PSD3: variants seen among roughly 807,000 people sequenced by gnomAD.
PSD3 encodes the protein PH and SEC7 domain-containing protein 3.
Under a neutral mutation model 105.5 loss-of-function variants are expected in PSD3, and 49 were observed. That is an observed-to-expected ratio of 0.46 (90% CI 0.37 to 0.59). The LOEUF (loss-of-function observed/expected upper bound fraction) is 0.59, where lower values mean the gene tolerates loss of function less well. Ranked by LOEUF, PSD3 falls within the 20% of genes least tolerant of loss-of-function variation. PSD3 has a pLI of 0.00. For missense variants in PSD3, 1,561 were observed against 1,263.8 expected (o/e 1.24, Z -3.57); for synonymous variants, 557 against 457.8 (o/e 1.22, Z -2.77).
intron 1 of PSD3, among the ~76,000 whole-genome samples, chr8:19,054,060 G>A (rs1828623033): frequency 6.6e-6 from 1 of 152,118 alleles, no homozygotes; most frequent in Non-Finnish European, 1.5e-5. Context: ...TGGTACTTGG[G>A]CCTGATGTAC....
intron 14 of PSD3, among the ~76,000 whole-genome samples, chr8:18,560,223 A>G (rs1227717621): frequency 6.7e-6 from 1 of 150,070 alleles, no homozygotes; most frequent in East Asian, 1.9e-4. Context: ...CAAAAAAACA[A>G]CAACAGCAAC....
In PSD3 at chr8:18,531,509, C is replaced by T. The variant is rs191029215; in HGVS notation, c.*4234G>A. On this transcript the variant is annotated 3_prime_UTR_variant, in exon 16 of 16. Coordinates refer to ENST00000327040, the MANE Select transcript of PSD3 (RefSeq NM_015310.4). ...ATCAATAATCTATCACGGGGTTATT[C>T]TGTGATGATTTGATCATGTAAGATG... 6.6e-6 allele frequency: 1 copy of T among 152,278 alleles called. No homozygotes were observed. Among genetic ancestry groups the T allele is most frequent in the African/African-American group, 2.4e-5 (1 of 41,556 alleles). 9.4% of individuals were successfully genotyped at this position (152,278 alleles called of 1,614,324 possible).
intron 11 of PSD3, among the ~76,000 whole-genome samples, chr8:18,601,734 C>A (rs1804455454): frequency 6.6e-6 from 1 of 152,102 alleles, no homozygotes. Flanking sequence ...AGCAAAAAAG[C>A]AACTAAGATA....
intron 7 of PSD3, among the ~76,000 whole-genome samples, chr8:18,800,019 C>G (rs970580921): frequency 6.6e-6 from 1 of 152,166 alleles, no homozygotes; most frequent in African/African-American, 2.4e-5. Flanking sequence ...ATCAGTGTCT[C>G]TAAATAGACA....
chr8:18,848,619 G>A (rs987357845), intron 4 of PSD3, among the ~76,000 whole-genome samples: 2 of 152,204 alleles, frequency 1.3e-5, no homozygotes, highest in Admixed American at 1.3e-4. Context: ...CTCTCATGTA[G>A]GGGTGCTTCT....
intron 1 of PSD3, among the ~76,000 whole-genome samples, chr8:18,936,823 C>A (rs1346076158): frequency 1.3e-5 from 2 of 151,984 alleles, no homozygotes; most frequent in Non-Finnish European, 2.9e-5. Context: ...ATTATCATCA[C>A]CCACAGTCCA....
chr8:18,668,222 G>A (rs903206020), intron 9 of PSD3, among the ~76,000 whole-genome samples: 6 of 152,240 alleles, frequency 3.9e-5, no homozygotes, highest in Non-Finnish European at 7.3e-5. Flanking sequence ...GGGCTGCCAG[G>A]ACTGCCAGCA....
In PSD3 at chr8:18,991,208, T is replaced by A. The variant is rs143701270; in HGVS notation, c.21+22355A>T. Among the ~76,000 whole-genome samples, 8 of 152,250 alleles carry A rather than the reference T, an allele frequency of 5.3e-5. No homozygotes were observed. The South Asian group carries it at 1.7e-3, about 32-fold the overall frequency. On this transcript the variant is annotated intron_variant, in intron 1 of 15. Transcript: ENST00000327040. ...ACCACACACTGGTTTAGATGCAGTA[T>A]TGAACTAAGTCAGACTGAATTTCAG...
intron 8 of PSD3, among the ~76,000 whole-genome samples, chr8:18,790,577 C>T (rs1323899856): frequency 6.6e-6 from 1 of 152,116 alleles, no homozygotes; most frequent in South Asian, 2.1e-4. Flanking sequence ...GCTGGGATTA[C>T]AGGCGTGAGC....
At chr8:18,815,323 G>A (rs1812124539) in intron 4 of PSD3, among the ~76,000 whole-genome samples, 1 of 152,136 alleles carries the variant, frequency 6.6e-6, no homozygotes, top group Middle Eastern at 3.4e-3. Context: ...GGTTGGAGGT[G>A]TGGGGGATGG....
At chr8:18,931,596 T>G (rs1821751550) in intron 2 of PSD3, among the ~76,000 whole-genome samples, 2 of 152,208 alleles carry the variant, frequency 1.3e-5, no homozygotes, top group Non-Finnish European at 2.9e-5. Flanking sequence ...TCTAGAACCT[T>G]AAAATTATAA....
At position 18,801,284 on chromosome 8, in the gene PSD3, G is replaced by C. The variant is rs201058269; in HGVS notation, c.2009C>G (p.Thr670Ser). ...TATCAGATTACCTTGTGAAGCAATGGTATCTGGGTTACAATAAAAATATCT... is the reference window on the plus strand; with the variant it reads ...TATCAGATTACCTTGTGAAGCAATGCTATCTGGGTTACAATAAAAATATCT... Reference protein sequence around the residue: ...SNRYFYCNPDTIASQDGVHCL... With the variant: ...SNRYFYCNPDSIASQDGVHCL... The change falls in exon 7 of 16, where the codon ACC (threonine) becomes AGC (serine). Residue 670 changes from threonine (T) to serine (S), a missense_variant. By Grantham distance (58) the Thr-to-Ser change is moderately conservative. Transcript: ENST00000327040. 6.3e-7 allele frequency: 1 copy of C among 1,578,604 alleles called. No homozygotes were observed. The highest frequency in any genetic ancestry group is 8.7e-7 in the Non-Finnish European group (1 of 1,151,572).
chr8:18,767,386 A>C (rs560002115), intron 8 of PSD3, among the ~76,000 whole-genome samples: 1 of 152,336 alleles, frequency 6.6e-6, no homozygotes, highest in African/African-American at 2.4e-5. Context: ...CGCAGAGCAC[A>C]GAGAAGTGTC....
chr8:18,535,802 C>T lies in PSD3; in HGVS notation c.3085G>A (p.Val1029Met), dbSNP rs202221556. The change falls in exon 16 of 16, where the codon GTG (valine) becomes ATG (methionine). Residue 1029 changes from valine (V) to methionine (M), a missense_variant. Physicochemically the swap from Val to Met is conservative, Grantham distance 21 (BLOSUM62 1). Transcript: ENST00000327040. ...GGTCGGTGATCCTTCCTCTCTGACA[C>T]GTTACGCTTGACTTTGGCAGTGATT... is the stretch of plus-strand genomic sequence containing the variant. ...SPITAKVKRN[V>M]SERKDHRPET... 14 of 1,614,036 alleles carry T rather than the reference C, an allele frequency of 8.7e-6. No individual in the cohort carries two copies. The highest frequency in any genetic ancestry group is 2.2e-5 in the East Asian group (1 of 44,892).
intron 4 of PSD3, among the ~76,000 whole-genome samples, chr8:18,806,554 A>T (rs1221582690): frequency 6.6e-6 from 1 of 152,244 alleles, no homozygotes; most frequent in East Asian, 1.9e-4. Flanking sequence ...CTTACCACAG[A>T]TGCTAAACCA....
At chr8:18,984,889 T>C (rs1303670508) in intron 1 of PSD3, among the ~76,000 whole-genome samples, 2 of 152,152 alleles carry the variant, frequency 1.3e-5, no homozygotes, top group African/African-American at 2.4e-5. Flanking sequence ...ACCAGCTCAA[T>C]GTCACCAGGA....
intron 1 of PSD3, among the ~76,000 whole-genome samples, chr8:18,976,491 C>T (rs909376327): frequency 6.6e-6 from 1 of 152,138 alleles, no homozygotes; most frequent in Non-Finnish European, 1.5e-5. Context: ...CATCTCTGAC[C>T]CCCTTGAAGC....
At chr8:18,719,781 GCT>G (rs1802833574) in intron 9 of PSD3, among the ~76,000 whole-genome samples, 1 of 152,072 alleles carries the variant, frequency 6.6e-6, no homozygotes, top group African/African-American at 2.4e-5. Flanking sequence ...ATTCTTTAGA[GCT>G]GGTTTCATTT....
intron 1 of PSD3, among the ~76,000 whole-genome samples, chr8:19,062,902 AG>A: frequency 6.6e-6 from 1 of 152,222 alleles, no homozygotes; most frequent in East Asian, 1.9e-4. Flanking sequence ...CAAATGCAAA[AG>A]AAAAGAAAAC....
Sources: gnomAD v4.1 joint callset for allele counts (sites outside exome capture counted in the v4.1 genomes callset) on GRCh38, gnomAD v4.1.1 for gene constraint, MANE v1.5 for transcripts, NCBI Gene and HGNC (gene_info 2026-07-23, HGNC 2026-07-21) for gene names.